Variants in SSPN observed in about 807,000 individuals in gnomAD.
SSPN encodes the protein K-ras oncogene-associated protein.
Under a neutral mutation model 19.1 loss-of-function variants are expected in SSPN, and 15 were observed. The observed-to-expected ratio is 0.78, with a 90% CI of 0.52 to 1.21. The LOEUF (loss-of-function observed/expected upper bound fraction) is 1.21. Ranked by LOEUF, SSPN falls within the 50% of genes most tolerant of loss-of-function variation. The pLI is 0.00. For synonymous variants in SSPN, 147 were observed against 140.3 expected, an observed-to-expected ratio of 1.05 and a Z score of -0.34; for missense variants, 291 against 314.0, an observed-to-expected ratio of 0.93 and a Z score of 0.55.
At chr12:26,122,188 C>A (rs1944312678) in intron 1 of SSPN, 4 of 1,453,276 alleles carry the variant, frequency 2.8e-6, no homozygotes, top group Non-Finnish European at 3.6e-6. Flanking sequence ...GGGTGCGGCG[C>A]CCCAAGGGGC....
chr12:26,167,657 ACT>A (rs764204661), intron 1 of SSPN, among the ~76,000 whole-genome samples: 21 of 151,572 alleles, frequency 1.4e-4, no homozygotes, highest in Non-Finnish European at 2.5e-4. Context: ...GTAGACCGCA[ACT>A]CTCTCTCTCT....
At chr12:26,199,474 G>A (rs1944859390) in intron 1 of SSPN, among the ~76,000 whole-genome samples, 1 of 152,130 alleles carries the variant, frequency 6.6e-6, no homozygotes, top group Non-Finnish European at 1.5e-5. Flanking sequence ...ATGGTTTGAG[G>A]GTTGTAAGTC....
intron 1 of SSPN, chr12:26,123,050 C>T (rs940889368): frequency 1.3e-6 from 2 of 1,581,278 alleles, no homozygotes; most frequent in African/African-American, 2.7e-5. Flanking sequence ...ACCGCGGCTC[C>T]CTGGGTGTCC....
intron 1 of SSPN, among the ~76,000 whole-genome samples, chr12:26,184,116 T>TGGC (rs1944737522): frequency 6.6e-6 from 1 of 152,092 alleles, no homozygotes; most frequent in African/African-American, 2.4e-5. Flanking sequence ...TTGTGAGGGG[T>TGGC]GGCAGTCAAG....
chr12:26,152,718 C>A (rs1052138902), intron 1 of SSPN, among the ~76,000 whole-genome samples: 1 of 152,226 alleles, frequency 6.6e-6, no homozygotes, highest in Non-Finnish European at 1.5e-5. Flanking sequence ...ATAGTCCACT[C>A]TCCACACAGG....
In SSPN at chr12:26,233,349, T is replaced by TATATATATATATATATATATATAC. The variant is rs1565697905; in HGVS notation, c.*2274_*2275insTATATATATATATATATATATACA. On this transcript the variant is annotated 3_prime_UTR_variant, in exon 3 of 3. Coordinates refer to ENST00000242729, the MANE Select transcript of SSPN (RefSeq NM_005086.5). The surrounding 1 kb of genome is among the most constrained non-coding windows in gnomAD (Gnocchi z 4.3). ...GTCAGGAGATATATATATATATATA[T>TATATATATATATATATATATATAC]ACACATACACACACACACACACATA... 3 of 132,606 alleles carry TATATATATATATATATATATATAC rather than the reference T, an allele frequency of 2.3e-5. No individual in the cohort carries two copies. The highest frequency in any genetic ancestry group is 8.8e-5 in the African/African-American group (3 of 34,240). The allele number at this position is 132,606 out of a possible 1,614,324, so 8.2% of individuals were successfully genotyped here. A position where few individuals can be genotyped will look rare whatever the true frequency, so the allele number is the denominator to read the frequency against.
intron 1 of SSPN, among the ~76,000 whole-genome samples, chr12:26,201,011 G>GTATATA (rs869035319): frequency 5.3e-5 from 4 of 76,030 alleles, no homozygotes; most frequent in African/African-American, 1.9e-4. Flanking sequence ...GTTAATTTGT[G>GTATATA]TATATATATA....
intron 1 of SSPN, among the ~76,000 whole-genome samples, chr12:26,213,189 A>G (rs893416167): frequency 6.6e-6 from 1 of 152,086 alleles, no homozygotes; most frequent in Admixed American, 6.6e-5. Context: ...AATCAGAGAA[A>G]CATGCAGCTG....
At chr12:26,164,864 G>A (rs938083333) in intron 1 of SSPN, among the ~76,000 whole-genome samples, 5 of 152,106 alleles carry the variant, frequency 3.3e-5, no homozygotes, top group South Asian at 4.1e-4. Flanking sequence ...CTGAACCCAC[G>A]TCTGTAAAGA....
At chr12:26,229,510 A>G (rs1945209104) in intron 2 of SSPN, among the ~76,000 whole-genome samples, 1 of 152,280 alleles carries the variant, frequency 6.6e-6, no homozygotes. Context: ...GGACTTTTGT[A>G]CACATATTTT....
intron 1 of SSPN, chr12:26,124,820 C>A (rs376683112): frequency 1.2e-6 from 2 of 1,600,886 alleles, no homozygotes; most frequent in Non-Finnish European, 1.7e-6. Context: ...ATTTTTGGGG[C>A]TCTGTACAAT....
chr12:26,124,932 G>T, intron 1 of SSPN: 2 of 797,226 alleles, frequency 2.5e-6, no homozygotes, highest in Non-Finnish European at 4.3e-6. Context: ...GTGTGAAGCA[G>T]TTGGTCCCCC....
chr12:26,184,916 G>A (rs765660339), intron 1 of SSPN, among the ~76,000 whole-genome samples: 2 of 152,122 alleles, frequency 1.3e-5, no homozygotes, highest in Non-Finnish European at 2.9e-5. Context: ...TTACATCTCA[G>A]TGAGTTTTTT....
intron 1 of SSPN, among the ~76,000 whole-genome samples, chr12:26,137,956 G>A (rs757019652): frequency 4.0e-5 from 6 of 151,780 alleles, no homozygotes; most frequent in Admixed American, 1.3e-4. Flanking sequence ...ATGAGTCACC[G>A]CGTCTGGCCT....
intron 1 of SSPN, among the ~76,000 whole-genome samples, chr12:26,221,860 A>T (rs1565693164): frequency 6.6e-6 from 1 of 152,238 alleles, no homozygotes; most frequent in Admixed American, 6.5e-5. Context: ...CTGGTGTGTC[A>T]CCAATAAACA....
chr12:26,184,816 T>G (rs926150455), intron 1 of SSPN, among the ~76,000 whole-genome samples: 2 of 150,082 alleles, frequency 1.3e-5, no homozygotes, highest in African/African-American at 2.4e-5. Context: ...AACTAAGGGG[T>G]TTTTTTTACA....
intron 1 of SSPN, among the ~76,000 whole-genome samples, chr12:26,219,887 C>T (rs996269436): frequency 1.3e-5 from 2 of 152,150 alleles, no homozygotes; most frequent in African/African-American, 4.8e-5. Flanking sequence ...TTCTTGAAAA[C>T]CTTACATAAC....
chr12:26,138,748 T>C (rs1429866557), intron 1 of SSPN, among the ~76,000 whole-genome samples: 4 of 152,100 alleles, frequency 2.6e-5, no homozygotes, highest in African/African-American at 4.8e-5. Flanking sequence ...TAACCTGTTC[T>C]TTTTTTAAGG....
chr12:26,144,970 A>G (rs1057495206), intron 1 of SSPN, among the ~76,000 whole-genome samples: 13 of 152,204 alleles, frequency 8.5e-5, no homozygotes, highest in Non-Finnish European at 1.5e-4. Context: ...TGTAACTGAA[A>G]TAACTCAGAC....
Sources: gnomAD v4.1 joint callset for allele counts (sites outside exome capture counted in the v4.1 genomes callset) on GRCh38, gnomAD v4.1.1 for gene constraint, Gnocchi (gnomAD v3.1) non-coding constraint, MANE v1.5 for transcripts, NCBI Gene and HGNC (gene_info 2026-07-23, HGNC 2026-07-21) for gene names.